The following TIAM2 variants were observed in gnomAD, a reference collection of about 807,000 sequenced individuals.
TIAM2 encodes TIAM Rac1 associated GEF 2.
Under a neutral mutation model 152.9 loss-of-function variants are expected in TIAM2, and 80 were observed. The ratio of observed to expected loss-of-function variants is 0.52; its 90% CI spans 0.44 to 0.63. The LOEUF is 0.63. Ranked by LOEUF, TIAM2 falls within the 30% of genes least tolerant of loss-of-function variation. The pLI is 0.00. For synonymous variants in TIAM2, 804 were observed against 838.0 expected (o/e 0.96, Z 0.70); for missense variants, 1,965 against 2,120.1 (o/e 0.93, Z 1.44).
chr6:155,197,935 C>T (rs1446989997), intron 14 of TIAM2, among the ~76,000 whole-genome samples: 1 of 152,170 alleles, frequency 6.6e-6, no homozygotes, highest in Non-Finnish European at 1.5e-5. Context: ...AGTATGTGTT[C>T]ACTGGGGAAA....
intron 15 of TIAM2, among the ~76,000 whole-genome samples, chr6:155,236,583 C>T (rs1189388730): frequency 6.6e-6 from 1 of 152,016 alleles, no homozygotes; most frequent in South Asian, 2.1e-4. Context: ...GAATTGCTTG[C>T]ACCCGGGAGG....
At position 155,256,748 on chromosome 6, in the gene TIAM2, C is replaced by G. The variant is rs1488963867; in HGVS notation, c.4733C>G (p.Thr1578Ser). Reference protein sequence around the residue: ...LSDEDDDHRQTVKQGSPTKDI... With the variant: ...LSDEDDDHRQSVKQGSPTKDI... Reference sequence around the variant, plus strand: ...GATGAAGATGATGACCACCGTCAGACTGTGAAGCAGGGCAGCCCTACTAAA... The same window carrying G: ...GATGAAGATGATGACCACCGTCAGAGTGTGAAGCAGGGCAGCCCTACTAAA... Residue 1578 changes from threonine to serine, a missense_variant, in exon 27 of 27, where the codon ACT (threonine) becomes AGT (serine). This residue lies in a region of TIAM2 where 935 missense variants were observed against 980.0 expected (regional missense o/e 0.95). Transcript: ENST00000682666. 1.9e-6 allele frequency: 3 copies of G among 1,614,238 alleles called. No homozygotes were observed. The highest frequency in any genetic ancestry group is 1.7e-6 in the Non-Finnish European group (2 of 1,180,048).
At chr6:155,066,322 C>A (rs1777693205) in intron 1 of TIAM2, among the ~76,000 whole-genome samples, 1 of 152,212 alleles carries the variant, frequency 6.6e-6, no homozygotes, top group Non-Finnish European at 1.5e-5. Flanking sequence ...CTCTGTCAGG[C>A]TCTTGTGTAT....
At chr6:155,039,726 G>A (rs1215722365) in intron 1 of TIAM2, among the ~76,000 whole-genome samples, 1 of 152,098 alleles carries the variant, frequency 6.6e-6, no homozygotes, top group African/African-American at 2.4e-5. Context: ...CCATAGGAGG[G>A]GCCCTGAAGC....
intron 14 of TIAM2, among the ~76,000 whole-genome samples, chr6:155,205,086 G>A (rs573089126): frequency 6.9e-6 from 1 of 145,588 alleles, no homozygotes; most frequent in South Asian, 2.2e-4. Context: ...CTCCCAGTAA[G>A]TCTACCTCCC....
At chr6:155,079,804 T>C (rs1002942553) in intron 1 of TIAM2, among the ~76,000 whole-genome samples, 1 of 152,100 alleles carries the variant, frequency 6.6e-6, no homozygotes, top group Admixed American at 6.5e-5. Flanking sequence ...AAAAATCAGC[T>C]GGGCGTGATG....
In TIAM2 at chr6:155,129,999, A is replaced by G. The variant is rs553721041; in HGVS notation, c.776A>G (p.Glu259Gly). 1.9e-6 allele frequency: 3 copies of G among 1,613,886 alleles called. No homozygotes were observed. Among genetic ancestry groups the G allele is most frequent in the Non-Finnish European group, 2.5e-6 (3 of 1,180,022 alleles). The change falls in exon 4 of 27, where the codon GAG becomes GGG. Residue 259 changes from glutamate to glycine, a missense_variant. Physicochemically the swap from Glu to Gly is moderately conservative, Grantham distance 98 (BLOSUM62 -2). Coordinates refer to ENST00000682666, the MANE Select transcript of TIAM2 (RefSeq NM_012454.4). The surrounding 1 kb of genome is among the most constrained non-coding windows in gnomAD (Gnocchi z 4.8). ...GACTCCCCTTGGGGCAATGCTGGAG[A>G]GCTGAGCGAGGCTGAGGGCTCCTTC... ...WYDSPWGNAG[E>G]LSEAEGSFLA...
At chr6:155,177,126 A>G (rs958251649) in intron 10 of TIAM2, 149 bp downstream of exon 10, 3 of 720,842 alleles carry the variant, frequency 4.2e-6, no homozygotes, top group Non-Finnish European at 4.2e-6. Context: ...TATATTTATT[A>G]GCATATTCAT....
intron 1 of TIAM2, among the ~76,000 whole-genome samples, chr6:155,057,900 C>T (rs1777491342): frequency 6.6e-6 from 1 of 152,304 alleles, no homozygotes; most frequent in East Asian, 1.9e-4. Context: ...CATAAGTTAT[C>T]TATAATTCTA....
At chr6:155,224,931 A>G (rs1782189891) in intron 15 of TIAM2, among the ~76,000 whole-genome samples, 1 of 152,080 alleles carries the variant, frequency 6.6e-6, no homozygotes, top group South Asian at 2.1e-4. Flanking sequence ...TGCCACTCTC[A>G]GCTGGTTTTG....
At position 155,006,398 on chromosome 6, in the gene TIAM2, G is replaced by A. The variant is rs115963272; in HGVS notation, c.-209+10906G>A. Among the ~76,000 whole-genome samples, 1,177 of 152,048 alleles carry A rather than the reference G, an allele frequency of 7.7e-3. 14 individuals carry two copies. Among genetic ancestry groups the A allele is most frequent in the African/African-American group, 0.026 (1,090 of 41,502 alleles). On this transcript the variant is annotated intron_variant, in intron 1 of 26. Transcript: ENST00000682666. The stretch of plus-strand genomic sequence containing the variant: ...CAAATCGGAGTCTCGATCGGGCATG[G>A]TGGCTCATGCCTGTAATCCTAGCAC...
At chr6:155,010,758 A>G (rs1368409652) in intron 1 of TIAM2, among the ~76,000 whole-genome samples, 2 of 151,672 alleles carry the variant, frequency 1.3e-5, no homozygotes, top group African/African-American at 4.9e-5. Context: ...GCTTACAAAA[A>G]TTAAATTTAG....
chr6:155,104,798 A>G (rs1778644805), intron 2 of TIAM2, among the ~76,000 whole-genome samples: 1 of 152,108 alleles, frequency 6.6e-6, no homozygotes, highest in South Asian at 2.1e-4. Context: ...CAAGTGTATA[A>G]TAACTTCATG....
chr6:155,204,033 T>G (rs1482367298), intron 14 of TIAM2, among the ~76,000 whole-genome samples: 12 of 152,102 alleles, frequency 7.9e-5, no homozygotes, highest in African/African-American at 2.4e-4. Flanking sequence ...CCAGGGATGG[T>G]GACGTTTGGT....
chr6:155,097,332 G>A (rs1053196823), intron 2 of TIAM2, among the ~76,000 whole-genome samples: 1 of 151,910 alleles, frequency 6.6e-6, no homozygotes, highest in African/African-American at 2.4e-5. Context: ...TCCCTTTTCT[G>A]TGCAGAGCTT....
At chr6:155,189,696 T>C (rs1225228226) in intron 14 of TIAM2, among the ~76,000 whole-genome samples, 5 of 152,134 alleles carry the variant, frequency 3.3e-5, no homozygotes, top group Non-Finnish European at 5.9e-5. Flanking sequence ...CATAGTTGAA[T>C]TGGAAAACAC....
intron 15 of TIAM2, among the ~76,000 whole-genome samples, chr6:155,230,658 C>T (rs528760305): frequency 1.6e-4 from 25 of 151,716 alleles, no homozygotes; most frequent in Non-Finnish European, 2.1e-4. Flanking sequence ...AAAATTCAAC[C>T]GCTATAAAAA....
At chr6:155,248,507 G>A (rs1002507364) in intron 20 of TIAM2, among the ~76,000 whole-genome samples, 1 of 152,214 alleles carries the variant, frequency 6.6e-6, no homozygotes, top group South Asian at 2.1e-4. Context: ...CAGTGCCGCT[G>A]GAACTGAAAA....
intron 7 of TIAM2, 127 bp downstream of exon 7, chr6:155,148,461 G>A: frequency 1.1e-6 from 1 of 945,458 alleles, no homozygotes; most frequent in Non-Finnish European, 1.6e-6. Flanking sequence ...CACCCTGGGG[G>A]AAATAATTTC....
Sources: gnomAD v4.1 joint callset for allele counts (sites outside exome capture counted in the v4.1 genomes callset) on GRCh38, gnomAD v4.1.1 for gene constraint, gnomAD v4.1.1 regional missense constraint, Gnocchi (gnomAD v3.1) non-coding constraint, MANE v1.5 for transcripts, NCBI Gene and HGNC (gene_info 2026-07-23, HGNC 2026-07-21) for gene names.